The following ANKS1B variants were observed in gnomAD, a reference collection of about 807,000 sequenced individuals.
ANKS1B encodes the protein ankyrin repeat and sterile alpha motif domain containing 1B, also known as ankyrin repeat and sterile alpha motif domain-containing protein 1B.
In ANKS1B, 36 loss-of-function variants were observed where a neutral mutation model predicts 148.3. The ratio of observed to expected loss-of-function variants is 0.24; its 90% CI spans 0.19 to 0.32. ANKS1B has a LOEUF of 0.32. Among genes scored for constraint, ANKS1B ranks in the 10% least tolerant of loss-of-function variants. The pLI is 1.00. For missense variants in ANKS1B, 1,157 were observed against 1,542.6 expected (o/e 0.75, Z 4.19); for synonymous variants, 542 against 560.8 (o/e 0.97, Z 0.47).
intron 17 of ANKS1B, among the ~76,000 whole-genome samples, chr12:98,852,768 A>T (rs201362): frequency 0.77 from 116,809 of 151,916 alleles, 46,007 homozygotes; most frequent in East Asian, 1. Context: ...CCATCCATCA[A>T]ATTGCCTCCT....
chr12:99,867,178 T>G (rs2090872412), intron 1 of ANKS1B, among the ~76,000 whole-genome samples: 1 of 152,150 alleles, frequency 6.6e-6, no homozygotes, highest in Non-Finnish European at 1.5e-5. Flanking sequence ...GAGTCAAGAT[T>G]TTGTTAATAT....
chr12:99,312,512 G>A lies in ANKS1B; in HGVS notation c.1757-65648C>T, dbSNP rs567505575. ...TGTAAGTCTGCTTGTCTGACTTTTC[G>A]TGAAATGCTCTTCCAAAATGACGAC... On this transcript the variant is annotated intron_variant, in intron 12 of 26. Transcript: ENST00000683438. Among the ~76,000 whole-genome samples, 185 of 152,092 alleles carry A rather than the reference G, an allele frequency of 1.2e-3. 1 individual carries two copies. Among genetic ancestry groups the A allele is most frequent in the African/African-American group, 4.3e-3 (178 of 41,518 alleles).
intron 15 of ANKS1B, among the ~76,000 whole-genome samples, chr12:99,100,292 TG>T (rs2153672201): frequency 6.6e-6 from 1 of 152,346 alleles, no homozygotes; most frequent in East Asian, 1.9e-4. Flanking sequence ...CAGGAAACAC[TG>T]AACTTGCCTA....
At chr12:98,877,359 A>AG (rs1462863662) in intron 17 of ANKS1B, among the ~76,000 whole-genome samples, 1 of 152,238 alleles carries the variant, frequency 6.6e-6, no homozygotes, top group East Asian at 1.9e-4. Flanking sequence ...CTCTTCCATT[A>AG]CCACAAATAA....
chr12:99,533,249 G>C (rs1394498193), intron 9 of ANKS1B, among the ~76,000 whole-genome samples: 1 of 152,042 alleles, frequency 6.6e-6, no homozygotes, highest in Non-Finnish European at 1.5e-5. Flanking sequence ...TCACATCCTT[G>C]GTTAAGTGTA....
In ANKS1B at chr12:98,999,436, C is replaced by T. The variant is rs1327573025; in HGVS notation, c.2778+53721G>A. On this transcript the variant is annotated intron_variant, in intron 17 of 26. Coordinates refer to ENST00000683438, the MANE Select transcript of ANKS1B (RefSeq NM_001352186.2). ...CCCATTGCTGAACCAACTGGGTCTC[C>T]GCATCTTGGTGGTGATGACAGATGT... is the stretch of plus-strand genomic sequence containing the variant. 5.3e-5 allele frequency among the ~76,000 whole-genome samples: 8 copies of T among 151,808 alleles called. No homozygotes were observed. In the East Asian group the frequency reaches 7.7e-4, roughly 15 times the overall value.
chr12:98,953,537 G>GTTTTTTT lies in ANKS1B; in HGVS notation c.2778+99613_2778+99619dup, dbSNP rs1166158783. On this transcript the variant is annotated intron_variant, in intron 17 of 26. Coordinates refer to ENST00000683438, the MANE Select transcript of ANKS1B (RefSeq NM_001352186.2). ...CATGTCCATTTGAGAATCTAGAGTGGTTTTTTTTTTTTTTTTTTTTTTTTT... is the reference window on the plus strand; with the variant it reads ...CATGTCCATTTGAGAATCTAGAGTGGTTTTTTTTTTTTTTTTTTTTTTTTTTTTTTTT... 1.3e-3 allele frequency among the ~76,000 whole-genome samples: 73 copies of GTTTTTTT among 57,456 alleles called. 12 individuals carry two copies. Among genetic ancestry groups the GTTTTTTT allele is most frequent in the East Asian group, 7.7e-3 (12 of 1,564 alleles). 37.7% of individuals were successfully genotyped at this position (57,456 alleles called of 152,430 possible).
At chr12:99,208,097 C>A (rs2082901046) in intron 14 of ANKS1B, among the ~76,000 whole-genome samples, 1 of 151,918 alleles carries the variant, frequency 6.6e-6, no homozygotes, top group Admixed American at 6.6e-5. Flanking sequence ...AAAAGTTTTT[C>A]TTTATTTTTT....
chr12:99,684,816 T>C (rs147913199), intron 8 of ANKS1B, among the ~76,000 whole-genome samples: 50 of 152,102 alleles, frequency 3.3e-4, no homozygotes, highest in African/African-American at 1.1e-3. Flanking sequence ...AACAAAAATA[T>C]AATGTGGGGA....
intron 17 of ANKS1B, among the ~76,000 whole-genome samples, chr12:99,025,869 T>C (rs2099948461): frequency 6.6e-6 from 1 of 152,020 alleles, no homozygotes; most frequent in African/African-American, 2.4e-5. Context: ...GTCAATAAGG[T>C]GGGTTAATAG....
chr12:98,922,862 G>C (rs982542148), intron 17 of ANKS1B, among the ~76,000 whole-genome samples: 2 of 152,088 alleles, frequency 1.3e-5, no homozygotes. Flanking sequence ...GGACCTTTGC[G>C]TAAAAATAAA....
At chr12:99,749,503 T>A (rs2060908619) in intron 8 of ANKS1B, among the ~76,000 whole-genome samples, 2 of 152,028 alleles carry the variant, frequency 1.3e-5, no homozygotes, top group Admixed American at 1.3e-4. Flanking sequence ...GCTAACACAT[T>A]CCTTTTCTGC....
At chr12:98,977,152 T>C (rs1015184109) in intron 17 of ANKS1B, among the ~76,000 whole-genome samples, 6 of 152,232 alleles carry the variant, frequency 3.9e-5, no homozygotes, top group Admixed American at 1.3e-4. Context: ...GGTTGTACAA[T>C]AAAATTCTAA....
chr12:99,697,777 T>C (rs1421799968), intron 8 of ANKS1B, among the ~76,000 whole-genome samples: 2 of 152,164 alleles, frequency 1.3e-5, no homozygotes, highest in Non-Finnish European at 2.9e-5. Context: ...GTTGAACAAT[T>C]TTAACAAATA....
intron 15 of ANKS1B, among the ~76,000 whole-genome samples, chr12:99,134,641 T>A (rs1023946989): frequency 1.1e-4 from 9 of 81,700 alleles, no homozygotes; most frequent in Non-Finnish European, 9.4e-5. Context: ...TCTCTCTCTC[T>A]CTCTCACACA....
chr12:98,976,130 G>A (rs983597710), intron 17 of ANKS1B, among the ~76,000 whole-genome samples: 1 of 152,230 alleles, frequency 6.6e-6, no homozygotes, highest in African/African-American at 2.4e-5. Context: ...CCATGTACCT[G>A]AGATTCATCT....
chr12:98,963,743 C>A (rs73382479), intron 17 of ANKS1B, among the ~76,000 whole-genome samples: 16,014 of 152,012 alleles, frequency 0.11, 2,265 homozygotes, highest in African/African-American at 0.32. Context: ...AAATATTTGC[C>A]AACGATCCAC....
chr12:99,208,644 T>C (rs1009847741), intron 14 of ANKS1B, among the ~76,000 whole-genome samples: 2 of 152,146 alleles, frequency 1.3e-5, no homozygotes, highest in African/African-American at 4.8e-5. Context: ...ACCATTGGAC[T>C]GGGTGAGAAG....
At chr12:99,775,969 A>T (rs1409652536) in intron 6 of ANKS1B, among the ~76,000 whole-genome samples, 2 of 152,206 alleles carry the variant, frequency 1.3e-5, no homozygotes, top group Non-Finnish European at 2.9e-5. Flanking sequence ...AAGATACAAT[A>T]AACTCCTTGG....
Sources: allele counts gnomAD v4.1 joint callset (sites outside exome capture counted in the v4.1 genomes callset), GRCh38; gene constraint gnomAD v4.1.1; transcripts MANE v1.5; gene names NCBI Gene and HGNC (gene_info 2026-07-23, HGNC 2026-07-21).